CFAP95: variants seen among roughly 807,000 people sequenced by gnomAD.
CFAP95 encodes cilia- and flagella-associated protein 95.
chr9:69,855,129 A>G, the CFAP95 span, among the ~76,000 whole-genome samples: 1 of 152,232 alleles, frequency 6.6e-6, no homozygotes, highest in Non-Finnish European at 1.5e-5. Flanking sequence ...TGCTTTGAGA[A>G]GGTGTTGAAA....
the CFAP95 span, among the ~76,000 whole-genome samples, chr9:69,875,427 T>C: frequency 3.3e-5 from 5 of 152,232 alleles, no homozygotes; most frequent in African/African-American, 9.6e-5. Flanking sequence ...TTTATTTTTA[T>C]TGATTTAAAT....
At chr9:69,826,302 G>C in the CFAP95 span, among the ~76,000 whole-genome samples, 1 of 152,150 alleles carries the variant, frequency 6.6e-6, no homozygotes, top group East Asian at 1.9e-4. Flanking sequence ...ATAGAAAAGA[G>C]AGTGTCTGAA....
chr9:69,844,695 G>T, the CFAP95 span: 3 of 1,178,338 alleles, frequency 2.5e-6, no homozygotes, highest in Middle Eastern at 2.0e-4. Context: ...AAGGTAAAGG[G>T]AGGAGTGTTT....
the CFAP95 span, among the ~76,000 whole-genome samples, chr9:69,843,557 CCTTCTTCTTCTTCTT>C: frequency 8.9e-3 from 131 of 14,716 alleles, 4 homozygotes; most frequent in South Asian, 0.022. Context: ...TCCTCCTCCT[CCTTCTTCTTCTTCTT>C]CTTCTTCTTC....
chr9:69,897,662 A>G, the CFAP95 span, among the ~76,000 whole-genome samples: 2 of 152,218 alleles, frequency 1.3e-5, no homozygotes, highest in East Asian at 1.9e-4. Flanking sequence ...AAGAAGTAGC[A>G]TTATCATTTT....
chr9:69,838,673 T>A, the CFAP95 span, among the ~76,000 whole-genome samples: 1 of 152,018 alleles, frequency 6.6e-6, no homozygotes, highest in Non-Finnish European at 1.5e-5. Context: ...TCATGTCGTC[T>A]GCAAACTGGG....
At chr9:69,899,701 G>A in the CFAP95 span, among the ~76,000 whole-genome samples, 2 of 152,190 alleles carry the variant, frequency 1.3e-5, no homozygotes, top group South Asian at 4.1e-4. Context: ...CTGAACACCT[G>A]TTTCCTTCTG....
the CFAP95 span, among the ~76,000 whole-genome samples, chr9:69,859,913 A>T: frequency 6.6e-6 from 1 of 152,200 alleles, no homozygotes; most frequent in Non-Finnish European, 1.5e-5. Flanking sequence ...ATATCTAAAC[A>T]TAAAAAAGTA....
the CFAP95 span, among the ~76,000 whole-genome samples, chr9:69,840,068 A>G: frequency 6.9e-6 from 1 of 144,022 alleles, no homozygotes; most frequent in African/African-American, 2.6e-5. Context: ...CAAAAGCAAA[A>G]CTTCATGTAA....
the CFAP95 span, chr9:69,886,745 T>C: frequency 5.3e-5 from 47 of 881,746 alleles, no homozygotes; most frequent in South Asian, 6.6e-4. Context: ...CTTCCTGAAA[T>C]GTTTTTATTT....
At chr9:69,851,456 G>A in the CFAP95 span, among the ~76,000 whole-genome samples, 1 of 152,120 alleles carries the variant, frequency 6.6e-6, no homozygotes, top group Non-Finnish European at 1.5e-5. Flanking sequence ...TCCAGCTACA[G>A]CCTGCTCTAG....
chr9:69,886,742 A>G, the CFAP95 span: 3 of 868,008 alleles, frequency 3.5e-6, no homozygotes, highest in Non-Finnish European at 5.5e-6. Context: ...ATCCTTCCTG[A>G]AATGTTTTTA....
the CFAP95 span, among the ~76,000 whole-genome samples, chr9:69,857,207 A>T: frequency 1.3e-4 from 20 of 152,318 alleles, no homozygotes; most frequent in Admixed American, 6.5e-4. Flanking sequence ...TATGTCCTAC[A>T]TGACAGTTGG....
the CFAP95 span, chr9:69,844,429 A>G: frequency 1.3e-6 from 1 of 756,888 alleles, no homozygotes; most frequent in Non-Finnish European, 2.1e-6. Context: ...AAATATAGAA[A>G]ATTTTCATTG....
At chr9:69,880,880 T>C in the CFAP95 span, among the ~76,000 whole-genome samples, 1 of 152,238 alleles carries the variant, frequency 6.6e-6, no homozygotes. Context: ...TATCTCATTG[T>C]AGTTTTGGTT....
chr9:69,898,440 AT>A, the CFAP95 span, among the ~76,000 whole-genome samples: 1 of 152,162 alleles, frequency 6.6e-6, no homozygotes. Flanking sequence ...GCAGGGGGTA[AT>A]TTTAATTGTT....
chr9:69,840,516 T>G, the CFAP95 span, among the ~76,000 whole-genome samples: 3 of 152,286 alleles, frequency 2.0e-5, no homozygotes, highest in Non-Finnish European at 2.9e-5. Context: ...GATTCTCGGT[T>G]CATCTCAGGA....
the CFAP95 span, among the ~76,000 whole-genome samples, chr9:69,847,779 G>A: frequency 3.3e-5 from 5 of 152,224 alleles, no homozygotes; most frequent in East Asian, 1.9e-4. Flanking sequence ...TACATCCACC[G>A]CACTTTCATT....
chr9:69,876,577 AATCCTCTTTTGGTTAGATTTATTTTATTG>A, the CFAP95 span, among the ~76,000 whole-genome samples: 2 of 152,168 alleles, frequency 1.3e-5, no homozygotes, highest in East Asian at 1.9e-4. Context: ...TTCTGTTATT[AATCCTCTTTTGGTTAGATTTATTTTATTG>A]ATCCTCTTTT....
Sources: gnomAD v4.1 joint callset for allele counts (sites outside exome capture counted in the v4.1 genomes callset) on GRCh38, gnomAD v4.1.1 for gene constraint, MANE v1.5 for transcripts, NCBI Gene and HGNC (gene_info 2026-07-23, HGNC 2026-07-21) for gene names.